PTGER3: variants seen among roughly 807,000 people sequenced by gnomAD.
The protein encoded by PTGER3 is prostaglandin E2 receptor EP3 subtype.
PTGER3 carries 22 observed loss-of-function variants against 34.7 expected under a neutral mutation model. That is an observed-to-expected ratio of 0.63 (90% CI 0.45 to 0.91). The LOEUF is 0.91. Among genes scored for constraint, PTGER3 ranks in the 40% least tolerant of loss-of-function variants. The pLI, the probability that PTGER3 is intolerant of heterozygous loss-of-function variation, is 0.00. For missense variants in PTGER3, 468 were observed against 519.4 expected, an observed-to-expected ratio of 0.90 and a Z score of 0.96; for synonymous variants, 241 against 230.1, an observed-to-expected ratio of 1.05 and a Z score of -0.43.
intron 2 of PTGER3, among the ~76,000 whole-genome samples, chr1:70,999,818 C>T (rs553664417): frequency 6.6e-6 from 1 of 152,312 alleles, no homozygotes; most frequent in Non-Finnish European, 1.5e-5. Context: ...TAGCAAAAAC[C>T]ACAGGCCTGT....
chr1:71,027,594 A>G (rs1030947944), intron 1 of PTGER3, among the ~76,000 whole-genome samples: 1 of 152,196 alleles, frequency 6.6e-6, no homozygotes, highest in Non-Finnish European at 1.5e-5. Flanking sequence ...TTCTCTAAAG[A>G]GATGTATTGA....
chr1:70,980,429 T>C (rs1204733988), intron 2 of PTGER3, among the ~76,000 whole-genome samples: 3 of 151,966 alleles, frequency 2.0e-5, no homozygotes, highest in African/African-American at 7.3e-5. Context: ...CTTGGTGGAA[T>C]GGGAATAAAG....
intron 2 of PTGER3, among the ~76,000 whole-genome samples, chr1:70,997,378 T>C (rs1455618861): frequency 6.6e-6 from 1 of 152,142 alleles, no homozygotes; most frequent in Non-Finnish European, 1.5e-5. Flanking sequence ...GTACAAAAAT[T>C]TGGTGATTGT....
chr1:70,985,462 A>G (rs1654827186), intron 2 of PTGER3, among the ~76,000 whole-genome samples: 1 of 152,130 alleles, frequency 6.6e-6, no homozygotes, highest in Non-Finnish European at 1.5e-5. Context: ...ATATGAGTAA[A>G]CAGCAAACTG....
At chr1:70,908,174 G>GAGTACCTCCCAGGGT (rs1646989013) in intron 4 of PTGER3, among the ~76,000 whole-genome samples, 7 of 152,174 alleles carry the variant, frequency 4.6e-5, no homozygotes, top group Admixed American at 3.3e-4. Flanking sequence ...ATAGAGGCAA[G>GAGTACCTCCCAGGGT]GTGTCCCCGA....
intron 1 of PTGER3, among the ~76,000 whole-genome samples, chr1:71,022,129 A>G (rs2300176): frequency 0.25 from 38,270 of 151,664 alleles, 5,392 homozygotes; most frequent in East Asian, 0.44. Context: ...TACAATACAC[A>G]TGCTATTTTT....
At chr1:70,877,087 G>A (rs552327460) in intron 4 of PTGER3, among the ~76,000 whole-genome samples, 1 of 152,310 alleles carries the variant, frequency 6.6e-6, no homozygotes, top group African/African-American at 2.4e-5. Flanking sequence ...CTATCCACAA[G>A]CATGGAATGT....
chr1:70,918,117 A>G (rs1276105034), intron 4 of PTGER3, among the ~76,000 whole-genome samples: 2 of 152,024 alleles, frequency 1.3e-5, no homozygotes, highest in Non-Finnish European at 2.9e-5. Context: ...ATTTTCAACA[A>G]AGGTACCAAC....
In PTGER3 at chr1:71,036,642, C is replaced by T. The variant is rs192727340; in HGVS notation, c.897+10039G>A. 1.8e-3 allele frequency among the ~76,000 whole-genome samples: 275 copies of T among 152,220 alleles called. 1 individual carries two copies. Among genetic ancestry groups the T allele is most frequent in the Admixed American group, 2.9e-3 (44 of 15,298 alleles). On this transcript the variant is annotated intron_variant, in intron 1 of 3. Coordinates refer to ENST00000306666, the MANE Select transcript of PTGER3 (RefSeq NM_198719.2). ...GATCACAAGGTCAGGAGATCGAGACCATCCTGGCTAACACGGTGAAACCCC... is the reference window on the plus strand; with the variant it reads ...GATCACAAGGTCAGGAGATCGAGACTATCCTGGCTAACACGGTGAAACCCC...
chr1:71,002,872 C>A (rs1656616419), intron 2 of PTGER3, among the ~76,000 whole-genome samples: 1 of 152,332 alleles, frequency 6.6e-6, no homozygotes, highest in African/African-American at 2.4e-5. Flanking sequence ...GAAGAAGACT[C>A]CAACTCACAG....
At chr1:70,853,885 T>C (rs1645740428) in intron 4 of PTGER3, among the ~76,000 whole-genome samples, 1 of 152,140 alleles carries the variant, frequency 6.6e-6, no homozygotes, top group Non-Finnish European at 1.5e-5. Context: ...AGGGTAGTCC[T>C]GTCAATAAAT....
intron 4 of PTGER3, chr1:70,865,634 G>A (rs1466209967): frequency 1.5e-6 from 2 of 1,342,510 alleles, no homozygotes; most frequent in Non-Finnish European, 2.0e-6. Context: ...ATTAGAGATA[G>A]GCTGACTTCC....
downstream of PTGER3, among the ~76,000 whole-genome samples, chr1:70,966,770 G>T (rs1442755089): frequency 2.6e-5 from 4 of 152,208 alleles, no homozygotes; most frequent in African/African-American, 9.6e-5. Flanking sequence ...CCCTGCAAAG[G>T]ACATGATCTC....
intron 4 of PTGER3, among the ~76,000 whole-genome samples, chr1:70,943,655 T>G (rs1429395028): frequency 6.6e-6 from 1 of 152,090 alleles, no homozygotes; most frequent in Non-Finnish European, 1.5e-5. Context: ...ACAAGAGTGG[T>G]CACTAGATAC....
At chr1:70,881,028 C>T (rs1646380675) in intron 4 of PTGER3, among the ~76,000 whole-genome samples, 2 of 152,330 alleles carry the variant, frequency 1.3e-5, no homozygotes, top group African/African-American at 2.4e-5. Context: ...CTCTCCCTTT[C>T]CTTGGGATGC....
intron 4 of PTGER3, among the ~76,000 whole-genome samples, chr1:70,935,261 C>T (rs1557667132): frequency 6.6e-6 from 1 of 152,136 alleles, no homozygotes; most frequent in Non-Finnish European, 1.5e-5. Flanking sequence ...TTTTCCTACA[C>T]ATTTATAATA....
chr1:70,928,565 T>A (rs1648367559), intron 4 of PTGER3, among the ~76,000 whole-genome samples: 1 of 149,794 alleles, frequency 6.7e-6, no homozygotes, highest in African/African-American at 2.5e-5. Context: ...CCTGAGAGAT[T>A]GAGGCTGCAT....
intron 2 of PTGER3, among the ~76,000 whole-genome samples, chr1:70,996,765 G>A (rs1208457243): frequency 2.0e-5 from 3 of 151,880 alleles, no homozygotes; most frequent in African/African-American, 7.3e-5. Flanking sequence ...CCAGGTTCAC[G>A]CCATTCTCCT....
intron 1 of PTGER3, among the ~76,000 whole-genome samples, chr1:71,044,090 A>G (rs1296406390): frequency 6.7e-6 from 1 of 148,976 alleles, no homozygotes. Context: ...TGCTGGGATT[A>G]CAGGCGTGAG....
Sources: allele counts gnomAD v4.1 joint callset (sites outside exome capture counted in the v4.1 genomes callset), GRCh38; gene constraint gnomAD v4.1.1; transcripts MANE v1.5; gene names NCBI Gene and HGNC (gene_info 2026-07-23, HGNC 2026-07-21).